NFILZ: variants seen among roughly 807,000 people sequenced by gnomAD.
NFILZ encodes NFIL3 like basic leucine zipper, also known as NFIL3 like protein.
At chr19:8,633,240 T>C (rs1180001578) in intron 2 of NFILZ, among the ~76,000 whole-genome samples, 2 of 152,124 alleles carry the variant, frequency 1.3e-5, no homozygotes, top group Non-Finnish European at 2.9e-5. Flanking sequence ...CAGACTGGTC[T>C]TGGATTCCTG....
chr19:8,631,114 T>C (rs2042867685), intron 1 of NFILZ, among the ~76,000 whole-genome samples: 1 of 152,224 alleles, frequency 6.6e-6, no homozygotes, highest in Non-Finnish European at 1.5e-5. Flanking sequence ...TGTAGCATTT[T>C]GGGGTACCAG....
chr19:8,634,899 AAACAAAAAAAC>A (rs1449937995), intron 2 of NFILZ, among the ~76,000 whole-genome samples: 13 of 139,872 alleles, frequency 9.3e-5, no homozygotes, highest in Admixed American at 6.4e-4. Context: ...ACAAACAAAC[AAACAAAAAAAC>A]AAAAAAACCA....
intron 3 of NFILZ, among the ~76,000 whole-genome samples, chr19:8,664,194 G>C (rs1370778678): frequency 6.6e-6 from 1 of 152,200 alleles, no homozygotes; most frequent in South Asian, 2.1e-4. Context: ...TTATGTTGGT[G>C]AACAATGTAT....
chr19:8,674,131 C>T (rs528727970), intron 3 of NFILZ, among the ~76,000 whole-genome samples: 61 of 152,252 alleles, frequency 4.0e-4, no homozygotes, highest in Non-Finnish European at 7.8e-4. Context: ...TGAGCCACCG[C>T]GCTTGGCCTT....
intron 3 of NFILZ, among the ~76,000 whole-genome samples, chr19:8,661,689 C>T (rs570908040): frequency 2.0e-5 from 3 of 152,194 alleles, no homozygotes; most frequent in South Asian, 4.1e-4. Context: ...GTCAGGAGTT[C>T]GAGACCAGCC....
intron 3 of NFILZ, among the ~76,000 whole-genome samples, chr19:8,652,998 TCC>T (rs1370846161): frequency 0.062 from 1,524 of 24,610 alleles, 9 homozygotes; most frequent in East Asian, 0.15. Context: ...CTTCCTTCCT[TCC>T]TTCCTTCCTT....
At chr19:8,663,720 G>GCA (rs1555749419) in intron 3 of NFILZ, among the ~76,000 whole-genome samples, 5 of 83,168 alleles carry the variant, frequency 6.0e-5, no homozygotes, top group Non-Finnish European at 1.5e-4. Flanking sequence ...GTGTGTGTGT[G>GCA]TTTGTGTGTG....
chr19:8,662,245 A>G (rs942639942), intron 3 of NFILZ, among the ~76,000 whole-genome samples: 10 of 150,974 alleles, frequency 6.6e-5, no homozygotes, highest in Non-Finnish European at 1.2e-4. Context: ...GAGGGGAGCA[A>G]AAGTGTCTGG....
At position 8,630,908 on chromosome 19, in the gene NFILZ, C is replaced by T. The variant is rs376002354; in HGVS notation, c.-411+164C>T. 1.2e-4 allele frequency among the ~76,000 whole-genome samples: 18 copies of T among 152,278 alleles called. No homozygotes were observed. In the East Asian group the frequency reaches 1.9e-3, roughly 16 times the overall value. ...CTGCAGCTTAACTACCTCCATCTCC[C>T]TTCTGGGATCTCATGATTGCCTTTA... On this transcript the variant is annotated intron_variant, in intron 1 of 5. Transcript: ENST00000691075.
intron 3 of NFILZ, among the ~76,000 whole-genome samples, chr19:8,640,315 A>AGTTTTTTT (rs1339060952): frequency 5.7e-5 from 3 of 52,734 alleles, no homozygotes; most frequent in Non-Finnish European, 1.1e-4. Flanking sequence ...TTCCTGCTGT[A>AGTTTTTTT]GTTTTTTTTT....
rs1555751182 is a variant in NFILZ at position 8,679,289 on chromosome 19, T to TTATTATTAA, written c.*1662_*1663insATATTATTA. 4.6e-4 allele frequency among the ~76,000 whole-genome samples: 69 copies of TTATTATTAA among 150,930 alleles called. No individual in the cohort carries two copies. The highest frequency in any genetic ancestry group is 1.3e-3 in the African/African-American group (54 of 40,964). Reference sequence around the variant, plus strand: ...TCTCCCATTATTATTATTATTATTATTATTATTATTATTATTACATCAGGG... The same window carrying TTATTATTAA: ...TCTCCCATTATTATTATTATTATTATTATTATTAATATTATTATTATTATTACATCAGGG... On this transcript the variant is annotated 3_prime_UTR_variant, in exon 6 of 6. Transcript: ENST00000691075.
intron 3 of NFILZ, among the ~76,000 whole-genome samples, chr19:8,659,572 G>A (rs1320844755): frequency 6.6e-6 from 1 of 152,176 alleles, no homozygotes; most frequent in East Asian, 1.9e-4. Flanking sequence ...GGGGAAGAGA[G>A]TGCAGTCTTG....
At chr19:8,633,898 C>T (rs563244288) in intron 2 of NFILZ, among the ~76,000 whole-genome samples, 4 of 138,206 alleles carry the variant, frequency 2.9e-5, no homozygotes, top group Non-Finnish European at 3.2e-5. Context: ...TTCCTTCCTT[C>T]CTTCCTTCCT....
At chr19:8,644,772 C>CTTTTTTTTTTTT (rs5827010) in intron 3 of NFILZ, among the ~76,000 whole-genome samples, 1 of 146,764 alleles carries the variant, frequency 6.8e-6, no homozygotes, top group Non-Finnish European at 1.5e-5. Context: ...AGCCAGATGA[C>CTTTTTTTTTTTT]TTTTTTTTTT....
chr19:8,656,250 A>ACCTCTTTC (rs2042992893), intron 3 of NFILZ, among the ~76,000 whole-genome samples: 1 of 29,818 alleles, frequency 3.4e-5, no homozygotes. Flanking sequence ...TGCCTTCTCC[A>ACCTCTTTC]CGCAGCCCAT....
At chr19:8,632,137 G>A (rs8112031) in intron 1 of NFILZ, among the ~76,000 whole-genome samples, 140,209 of 151,796 alleles carry the variant, frequency 0.92, 64,900 homozygotes, top group Middle Eastern at 0.96. Context: ...CCAAAGTGCT[G>A]GGATTACAGG....
chr19:8,668,645 C>A (rs1186874776), intron 3 of NFILZ, among the ~76,000 whole-genome samples: 1 of 152,134 alleles, frequency 6.6e-6, no homozygotes, highest in Non-Finnish European at 1.5e-5. Context: ...TTGGTCTGGG[C>A]CTTCTGCACG....
At position 8,664,068 on chromosome 19, in the gene NFILZ, A is replaced by C. The variant is rs189553037; in HGVS notation, c.-163-10483A>C. ...ATGAATTTTGCTGGGAGTGAGTTTAAGGAAGTGAATTTCCACTGCACGGCA... is the reference window on the plus strand; with the variant it reads ...ATGAATTTTGCTGGGAGTGAGTTTACGGAAGTGAATTTCCACTGCACGGCA... On this transcript the variant is annotated intron_variant, in intron 3 of 5. Transcript: ENST00000691075. Among the ~76,000 whole-genome samples the C allele has an allele frequency of 2.7e-3, 417 of 152,232 alleles. 1 individual carries two copies. Among genetic ancestry groups the C allele is most frequent in the Middle Eastern group, 6.8e-3 (2 of 292 alleles).
In NFILZ at chr19:8,680,289, A is replaced by G. The variant is rs1416673335; in HGVS notation, c.*2654A>G. On this transcript the variant is annotated 3_prime_UTR_variant, in exon 6 of 6. Transcript: ENST00000691075. The stretch of plus-strand genomic sequence containing the variant: ...TCAGGGCCGAGCTTGTGGCTCAGCT[A>G]TAACAGCATTTTCATTCATTCATTC... Among the ~76,000 whole-genome samples, 3 of 143,838 alleles carry G rather than the reference A, an allele frequency of 2.1e-5. No homozygotes were observed. 94.4% of individuals were successfully genotyped at this position (143,838 alleles called of 152,430 possible).
Sources: allele counts gnomAD v4.1 joint callset (sites outside exome capture counted in the v4.1 genomes callset), GRCh38; gene constraint gnomAD v4.1.1; transcripts MANE v1.5; gene names NCBI Gene and HGNC (gene_info 2026-07-23, HGNC 2026-07-21).